SLC25A21: variants seen among roughly 807,000 people sequenced by gnomAD.
The protein encoded by SLC25A21 is solute carrier family 25 member 21, also known as mitochondrial 2-oxodicarboxylate carrier.
SLC25A21 carries 47 observed loss-of-function variants against 43.8 expected under a neutral mutation model. That is an observed-to-expected ratio of 1.07 (90% CI 0.85 to 1.37). SLC25A21 has a LOEUF of 1.37. SLC25A21 is among the 40% of genes most tolerant of loss of function. The pLI, the probability that SLC25A21 is intolerant of heterozygous loss-of-function variation, is 0.00. For missense variants in SLC25A21, 352 were observed against 350.2 expected (o/e 1.00, Z -0.04); for synonymous variants, 131 against 121.3 (o/e 1.08, Z -0.52).
At chr14:36,724,326 C>T (rs1015375868) in intron 6 of SLC25A21, among the ~76,000 whole-genome samples, 2 of 152,160 alleles carry the variant, frequency 1.3e-5, no homozygotes, top group Non-Finnish European at 2.9e-5. Context: ...GTAGGGCCCC[C>T]CTCCTTCCCC....
At chr14:37,004,425 T>C (rs933900879) in intron 1 of SLC25A21, among the ~76,000 whole-genome samples, 2 of 152,224 alleles carry the variant, frequency 1.3e-5, no homozygotes, top group Admixed American at 6.5e-5. Flanking sequence ...AGTCAACACA[T>C]GCATTTCATG....
intron 1 of SLC25A21, among the ~76,000 whole-genome samples, chr14:36,880,774 G>T (rs1375548024): frequency 6.6e-6 from 1 of 152,130 alleles, no homozygotes; most frequent in East Asian, 1.9e-4. Flanking sequence ...GCACAGTAAG[G>T]ACCTGAATAC....
intron 7 of SLC25A21, among the ~76,000 whole-genome samples, chr14:36,688,044 C>T (rs922111146): frequency 6.6e-6 from 1 of 152,190 alleles, no homozygotes; most frequent in African/African-American, 2.4e-5. Context: ...CTACACCCTA[C>T]CCCGAATCCA....
At chr14:36,757,055 A>G (rs1407618205) in intron 3 of SLC25A21, among the ~76,000 whole-genome samples, 1 of 148,130 alleles carries the variant, frequency 6.8e-6, no homozygotes, top group Non-Finnish European at 1.5e-5. Context: ...AGGGTTCAAG[A>G]CCAGCCTGGG....
At position 37,172,411 on chromosome 14, in the gene SLC25A21, A is replaced by T. The variant is rs773724912; in HGVS notation, c.-61T>A. On this transcript the variant is annotated 5_prime_UTR_variant, in exon 1 of 10. Coordinates refer to ENST00000331299, the MANE Select transcript of SLC25A21 (RefSeq NM_030631.4). ...ATGCGTCAACGAGCTCGCAGCCTGC[A>T]CAGCCTACTGATCCAGAGAGCCCCG... 1 of 1,508,870 alleles carries T rather than the reference A, an allele frequency of 6.6e-7. No individual in the cohort carries two copies. Among genetic ancestry groups the T allele is most frequent in the Middle Eastern group, 1.7e-4 (1 of 5,906 alleles). 93.5% of individuals were successfully genotyped at this position (1,508,870 alleles called of 1,614,324 possible).
intron 4 of SLC25A21, among the ~76,000 whole-genome samples, chr14:36,733,780 C>A (rs78124954): frequency 0.037 from 5,663 of 152,200 alleles, 142 homozygotes; most frequent in Non-Finnish European, 0.058. Context: ...GGGAGCAATG[C>A]CTGTCAGAGT....
At chr14:36,906,735 A>C (rs1891546222) in intron 1 of SLC25A21, among the ~76,000 whole-genome samples, 1 of 151,978 alleles carries the variant, frequency 6.6e-6, no homozygotes, top group Non-Finnish European at 1.5e-5. Context: ...CGATCTCCTG[A>C]CCTCATGATC....
chr14:37,032,373 C>CA (rs1038121173), intron 1 of SLC25A21, among the ~76,000 whole-genome samples: 7 of 151,452 alleles, frequency 4.6e-5, no homozygotes, highest in African/African-American at 1.2e-4. Flanking sequence ...GTCTCTACCA[C>CA]AAAAAAAATA....
At chr14:37,031,644 C>T (rs114628573) in intron 1 of SLC25A21, among the ~76,000 whole-genome samples, 1 of 152,224 alleles carries the variant, frequency 6.6e-6, no homozygotes, top group African/African-American at 2.4e-5. Context: ...AGGGCCTTTA[C>T]TAGATTAAGT....
At chr14:37,068,055 T>G (rs1041530580) in intron 1 of SLC25A21, among the ~76,000 whole-genome samples, 1 of 152,190 alleles carries the variant, frequency 6.6e-6, no homozygotes, top group Non-Finnish European at 1.5e-5. Flanking sequence ...GTCTAAAATA[T>G]TTACTATCTG....
chr14:37,003,329 A>G (rs1302983631), intron 1 of SLC25A21, among the ~76,000 whole-genome samples: 1 of 152,234 alleles, frequency 6.6e-6, no homozygotes. Flanking sequence ...AGATGAAGTG[A>G]GGTGAACGCT....
intron 1 of SLC25A21, among the ~76,000 whole-genome samples, chr14:37,001,842 C>G (rs1008077095): frequency 3.9e-5 from 6 of 152,088 alleles, no homozygotes; most frequent in Non-Finnish European, 7.4e-5. Flanking sequence ...TTGCACTAAC[C>G]TCCAAAAAGT....
At chr14:37,050,528 A>G (rs574462294) in intron 1 of SLC25A21, among the ~76,000 whole-genome samples, 1 of 152,344 alleles carries the variant, frequency 6.6e-6, no homozygotes, top group Admixed American at 6.5e-5. Context: ...GGATTCTTCC[A>G]ACTCATCAGC....
At chr14:36,727,683 G>A (rs1057181606) in intron 5 of SLC25A21, among the ~76,000 whole-genome samples, 6 of 143,444 alleles carry the variant, frequency 4.2e-5, no homozygotes, top group Non-Finnish European at 7.8e-5. Context: ...TTGAGACTCT[G>A]TCTCAAAAAA....
At chr14:36,760,839 G>C (rs1177845507) in intron 3 of SLC25A21, among the ~76,000 whole-genome samples, 1 of 151,946 alleles carries the variant, frequency 6.6e-6, no homozygotes, top group Non-Finnish European at 1.5e-5. Context: ...AGGGGGAAAG[G>C]GAAGGAAAGA....
intron 3 of SLC25A21, among the ~76,000 whole-genome samples, chr14:36,776,139 T>C (rs1205782750): frequency 2.0e-5 from 3 of 151,916 alleles, no homozygotes; most frequent in African/African-American, 4.8e-5. Context: ...GTACTCTTGG[T>C]ACATTGTTTT....
At chr14:36,809,838 G>C (rs1332331582) in intron 3 of SLC25A21, among the ~76,000 whole-genome samples, 1 of 152,176 alleles carries the variant, frequency 6.6e-6, no homozygotes, top group East Asian at 1.9e-4. Context: ...TATCTTCCCT[G>C]CAGGCCACAG....
chr14:36,832,871 T>C (rs543425984), intron 2 of SLC25A21, among the ~76,000 whole-genome samples: 151 of 152,346 alleles, frequency 9.9e-4, no homozygotes, highest in African/African-American at 3.4e-3. Flanking sequence ...CCACCCTTTT[T>C]TGTGATTAAG....
chr14:36,969,629 C>T (rs1959705352), intron 1 of SLC25A21, among the ~76,000 whole-genome samples: 1 of 151,090 alleles, frequency 6.6e-6, no homozygotes, highest in Admixed American at 6.6e-5. Context: ...GCTGGGACAA[C>T]AGGCATGCAC....
Sources: gnomAD v4.1 joint callset for allele counts (sites outside exome capture counted in the v4.1 genomes callset) on GRCh38, gnomAD v4.1.1 for gene constraint, MANE v1.5 for transcripts, NCBI Gene and HGNC (gene_info 2026-07-23, HGNC 2026-07-21) for gene names.